The following COL6A3 variants were observed in gnomAD, a reference collection of about 807,000 sequenced individuals.
COL6A3 encodes the protein collagen type VI alpha 3 chain.
In COL6A3, 137 loss-of-function variants were observed where a neutral mutation model predicts 274.1. That is an observed-to-expected ratio of 0.50 (90% CI 0.44 to 0.58). COL6A3 has a LOEUF of 0.58. COL6A3 is among the 20% of genes least tolerant of loss of function. The pLI is 0.00. For missense variants in COL6A3, 3,950 were observed against 4,124.9 expected (o/e 0.96, Z 1.16); for synonymous variants, 1,650 against 1,650.6 (o/e 1.00, Z 0.01).
Position 237,344,056 on chromosome 2 carries a change from C to T in COL6A3, c.7668+294G>A. 1 of 485,528 alleles carries T rather than the reference C, an allele frequency of 2.1e-6. No individual in the cohort carries two copies. The highest frequency in any genetic ancestry group is 3.8e-6 in the Non-Finnish European group (1 of 264,964). 30.1% of individuals were successfully genotyped at this position (485,528 alleles called of 1,614,324 possible). On this transcript the variant is annotated intron_variant, in intron 36 of 43. Transcript: ENST00000295550. This position sits in a 1 kb window ranked among gnomAD's most constrained non-coding sequence, Gnocchi z 4.8. ...TGAATAAAGCAAACAAGTCACACCA[C>T]CTTGTTAGTAGATAGAGAGTGTCAC...
In COL6A3 at chr2:237,368,044, A is replaced by T. The variant is rs941713918; in HGVS notation, c.4900+519T>A. 6.6e-6 allele frequency among the ~76,000 whole-genome samples: 1 copy of T among 152,212 alleles called. No homozygotes were observed. The highest frequency in any genetic ancestry group is 1.5e-5 in the Non-Finnish European group (1 of 68,036). ...TGGCGATTACTTGGAGGAGGGACAA[A>T]GAAAAATATGGGCTGGTGGAGAGAT... On this transcript the variant is annotated intron_variant, in intron 10 of 43. Coordinates refer to ENST00000295550, the MANE Select transcript of COL6A3 (RefSeq NM_004369.4). This position sits in a 1 kb window ranked among gnomAD's most constrained non-coding sequence, Gnocchi z 4.4.
At chr2:237,332,866 A>G (rs946297103) in intron 42 of COL6A3, 1 of 156,630 alleles carries the variant, frequency 6.4e-6, no homozygotes, top group African/African-American at 2.4e-5. Flanking sequence ...AGCAAGTAAC[A>G]GCTGTCAGTT....
intron 30 of COL6A3, 119 bp from the exon 31 acceptor site, chr2:237,347,988 G>T: frequency 1.1e-6 from 1 of 932,922 alleles, no homozygotes; most frequent in Non-Finnish European, 1.7e-6. Context: ...CAGCCAAGTG[G>T]TTAGTTTTGA....
chr2:237,363,152 C>G (rs1014708802), intron 14 of COL6A3, 101 bp downstream of exon 14: 12 of 1,192,736 alleles, frequency 1.0e-5, no homozygotes, highest in Non-Finnish European at 1.1e-5. Context: ...GGCCCCCCCC[C>G]CACCTCCATT....
chr2:237,342,580 A>G (rs1384523187), intron 36 of COL6A3: 1 of 191,768 alleles, frequency 5.2e-6, no homozygotes, highest in Non-Finnish European at 1.1e-5. Context: ...GGTGTGGTTA[A>G]AGCAAGTAAC....
At chr2:237,391,504 C>CTGTTTGTTTGTT (rs200150873) in intron 3 of COL6A3, among the ~76,000 whole-genome samples, 10 of 150,050 alleles carry the variant, frequency 6.7e-5, no homozygotes, top group African/African-American at 9.8e-5. Flanking sequence ...GTCCCTTTCA[C>CTGTTTGTTTGTT]TGTTTGTTTG....
Position 237,377,111 on chromosome 2 carries a change from C to T in COL6A3, c.2731G>A (p.Gly911Ser), listed in dbSNP as rs762321835. 2 of 1,614,206 alleles carry T rather than the reference C, an allele frequency of 1.2e-6. No individual in the cohort carries two copies. Residue 911 changes from glycine (G) to serine (S), a missense_variant, in exon 7 of 44, where the codon GGC becomes AGC. Gly to Ser is a moderately conservative substitution (Grantham distance 56). Transcript: ENST00000295550. ...NLVKRMKIKT[G>S]KALNLGYALD... ...GCGTAGCCCAGGTTGAGGGCTTTGC[C>T]CGTCTTGATCTTCATTCTCTTCACA...
chr2:237,402,492 G>GT (rs1553568258), intron 1 of COL6A3, among the ~76,000 whole-genome samples: 1 of 152,150 alleles, frequency 6.6e-6, no homozygotes, highest in Non-Finnish European at 1.5e-5. Flanking sequence ...CAGGAATGAT[G>GT]TAAGTGCAGC....
Position 237,387,700 on chromosome 2 carries a change from C to A in COL6A3, c.1194G>T (p.Leu398Phe), listed in dbSNP as rs2078180823. Residue 398 changes from leucine (L) to phenylalanine (F), a missense_variant, in exon 4 of 44, where the codon TTG (leucine) becomes TTT (phenylalanine). Transcript: ENST00000295550. Reference sequence around the variant, plus strand: ...TACGGAATTCCGGGACAGTAAACACCAAGTTGTCATCGGTAGCTATGTGCT... The same window carrying A: ...TACGGAATTCCGGGACAGTAAACACAAAGTTGTCATCGGTAGCTATGTGCT... ...ELQHIATDDN[L>F]VFTVPEFRSF... 6.2e-7 allele frequency: 1 copy of A among 1,614,036 alleles called. No individual in the cohort carries two copies. Among genetic ancestry groups the A allele is most frequent in the Non-Finnish European group, 8.5e-7 (1 of 1,179,982 alleles).
At chr2:237,386,761 C>A (rs1479358843) in intron 4 of COL6A3, among the ~76,000 whole-genome samples, 6 of 152,172 alleles carry the variant, frequency 3.9e-5, no homozygotes, top group Non-Finnish European at 7.3e-5. Context: ...ATCCTATTGG[C>A]CTGACCTAGG....
intron 32 of COL6A3, among the ~76,000 whole-genome samples, 161 bp downstream of exon 32, chr2:237,346,342 C>A (rs1432789085): frequency 6.6e-6 from 1 of 152,194 alleles, no homozygotes; most frequent in East Asian, 1.9e-4. Flanking sequence ...AATTCAAAAT[C>A]TCTTTGCTGC....
intron 3 of COL6A3, among the ~76,000 whole-genome samples, chr2:237,388,622 C>T (rs1293824640): frequency 6.6e-6 from 1 of 152,162 alleles, no homozygotes; most frequent in African/African-American, 2.4e-5. Context: ...GGTCATTTCT[C>T]CTGCCTCCTC....
intron 1 of COL6A3, among the ~76,000 whole-genome samples, chr2:237,403,115 G>C (rs1185856204): frequency 2.6e-5 from 4 of 152,152 alleles, no homozygotes; most frequent in African/African-American, 9.7e-5. Context: ...GCCAGTCAAG[G>C]ACAGGAGCTA....
At chr2:237,332,601 C>T (rs745456799) in intron 42 of COL6A3, among the ~76,000 whole-genome samples, 13 of 152,128 alleles carry the variant, frequency 8.5e-5, no homozygotes, top group Non-Finnish European at 1.3e-4. Context: ...TGACAGTAGA[C>T]GATACACCAA....
chr2:237,382,068 G>T (rs4663733), intron 4 of COL6A3, among the ~76,000 whole-genome samples: 3 of 152,080 alleles, frequency 2.0e-5, no homozygotes, highest in African/African-American at 7.2e-5. Context: ...AGCAAGTGCC[G>T]CAAACATTTT....
rs1252209876 is a variant in COL6A3 at position 237,407,992 on chromosome 2, A to G, written c.-31+5961T>C. 6.6e-6 allele frequency among the ~76,000 whole-genome samples: 1 copy of G among 152,184 alleles called. No homozygotes were observed. The highest frequency in any genetic ancestry group is 6.5e-5 in the Admixed American group (1 of 15,274). ...TATTCCTGTCTTTTCCTTCTTGGCAATGAACTAAGGTGCTACTGACCTTTC... is the reference window on the plus strand; with the variant it reads ...TATTCCTGTCTTTTCCTTCTTGGCAGTGAACTAAGGTGCTACTGACCTTTC... On this transcript the variant is annotated intron_variant, in intron 1 of 43. Transcript: ENST00000295550. This position sits in a 1 kb window ranked among gnomAD's most constrained non-coding sequence, Gnocchi z 4.3.
rs1338214786 is a variant in COL6A3, at chr2:237,334,650, T to C, written c.9205A>G (p.Thr3069Ala). The C allele has an allele frequency of 6.2e-7, 1 of 1,613,618 alleles. No individual in the cohort carries two copies. Among genetic ancestry groups the C allele is most frequent in the Non-Finnish European group, 8.5e-7 (1 of 1,180,028 alleles). The change falls in exon 41 of 44, where the codon ACC (threonine) becomes GCC (alanine). Residue 3069 changes from threonine to alanine, a missense_variant. Transcript: ENST00000295550. ...VCYLRSQVRA[T>A]YHGSFSTKKS... Reference sequence around the variant, plus strand: ...CTTGTACTGAAACTTCCGTGGTAGGTGGCTCTGACCTGAGACCTCAGGTAG... The same window carrying C: ...CTTGTACTGAAACTTCCGTGGTAGGCGGCTCTGACCTGAGACCTCAGGTAG...
At position 237,324,829 on chromosome 2, in the gene COL6A3, A is replaced by G. The variant is rs1699849453; in HGVS notation, c.9494-15T>C. On this transcript the variant is annotated splice_polypyrimidine_tract_variant and intron_variant, in intron 43 of 43. Transcript: ENST00000295550. Reference sequence around the variant, plus strand: ...TTTGGCGAGCACTGAGCGTCGAGAGAGGGGGTGGGTGGGGTGAGGTGAGGA... The same window carrying G: ...TTTGGCGAGCACTGAGCGTCGAGAGGGGGGGTGGGTGGGGTGAGGTGAGGA... 6.2e-7 allele frequency: 1 copy of G among 1,603,104 alleles called. No individual in the cohort carries two copies. Among genetic ancestry groups the G allele is most frequent in the East Asian group, 2.3e-5 (1 of 44,314 alleles).
At position 237,376,845 on chromosome 2, in the gene COL6A3, A is replaced by G; in HGVS notation, c.2997T>C (p.Leu999=). 6.2e-7 allele frequency: 1 copy of G among 1,614,204 alleles called. No homozygotes were observed. The highest frequency in any genetic ancestry group is 2.2e-5 in the East Asian group (1 of 44,878). ...SPAFILAAES[L]PKIGDLHPQI... ...GTGGATGAAGATCTCCAATCTTGGG[A>G]AGCGACTCTGCAGCCAGGATAAACG... The change falls in exon 7 of 44, where the codon CTT becomes CTC. Residue 999 remains leucine, a synonymous_variant. Coordinates refer to ENST00000295550, the MANE Select transcript of COL6A3 (RefSeq NM_004369.4).
Sources: allele counts gnomAD v4.1 joint callset (sites outside exome capture counted in the v4.1 genomes callset), GRCh38; gene constraint gnomAD v4.1.1; non-coding constraint Gnocchi (gnomAD v3.1); transcripts MANE v1.5; gene names NCBI Gene and HGNC (gene_info 2026-07-23, HGNC 2026-07-21).